KCNH1: variants seen among roughly 807,000 people sequenced by gnomAD.
KCNH1 encodes the protein potassium voltage-gated channel subfamily H member 1.
In KCNH1, 27 loss-of-function variants were observed where a neutral mutation model predicts 69.2. That is an observed-to-expected ratio of 0.39 (90% CI 0.29 to 0.54). KCNH1 has a LOEUF of 0.54. Ranked by LOEUF, KCNH1 falls within the 20% of genes least tolerant of loss-of-function variation. The probability of loss-of-function intolerance (pLI) is 0.68; values close to 1 mark genes in which losing one functional copy is unlikely to be tolerated. For synonymous variants in KCNH1, 456 were observed against 487.7 expected (o/e 0.93, Z 0.86); for missense variants, 798 against 1,261.6 (o/e 0.63, Z 5.57).
intron 8 of KCNH1, among the ~76,000 whole-genome samples, chr1:210,803,384 G>A (rs903821325): frequency 4.6e-5 from 7 of 152,178 alleles, no homozygotes; most frequent in Non-Finnish European, 8.8e-5. Flanking sequence ...TTACAGGCAT[G>A]AGCCGCTGCA....
intron 10 of KCNH1, among the ~76,000 whole-genome samples, chr1:210,739,785 T>C (rs531501940): frequency 5.5e-4 from 84 of 152,334 alleles, no homozygotes; most frequent in Non-Finnish European, 1.1e-3. Flanking sequence ...AGAAGTCACC[T>C]TAACTGCATG....
At chr1:210,922,246 G>T (rs1687474700) in intron 6 of KCNH1, among the ~76,000 whole-genome samples, 1 of 151,922 alleles carries the variant, frequency 6.6e-6, no homozygotes, top group South Asian at 2.1e-4. Context: ...GCCAGGCGTG[G>T]TGGCAGGCGC....
At chr1:210,985,075 A>C (rs1571552171) in intron 6 of KCNH1, among the ~76,000 whole-genome samples, 2 of 151,874 alleles carry the variant, frequency 1.3e-5, no homozygotes, top group African/African-American at 4.8e-5. Flanking sequence ...TTGTGTAGAG[A>C]TGTTTCTAGT....
intron 10 of KCNH1, among the ~76,000 whole-genome samples, chr1:210,708,365 C>T (rs72751439): frequency 2.2e-4 from 34 of 152,122 alleles, no homozygotes; most frequent in Admixed American, 1.0e-3. Flanking sequence ...AGTGTACAAC[C>T]GTTTTCTGAA....
chr1:210,729,203 C>T (rs1682682338), intron 10 of KCNH1, among the ~76,000 whole-genome samples: 1 of 152,178 alleles, frequency 6.6e-6, no homozygotes, highest in Non-Finnish European at 1.5e-5. Context: ...GCACAGGGTA[C>T]ATTTATAAGC....
chr1:210,848,796 A>T (rs1303985498), intron 7 of KCNH1, among the ~76,000 whole-genome samples: 1 of 152,136 alleles, frequency 6.6e-6, no homozygotes, highest in Non-Finnish European at 1.5e-5. Flanking sequence ...CTGGGCCCCC[A>T]TTTCAATTTT....
intron 7 of KCNH1, among the ~76,000 whole-genome samples, chr1:210,832,921 T>TATATAC (rs10693882): frequency 0.032 from 4,642 of 144,274 alleles, 135 homozygotes; most frequent in Middle Eastern, 0.058. Flanking sequence ...TATATATATA[T>TATATAC]ACATATAAAT....
intron 6 of KCNH1, among the ~76,000 whole-genome samples, chr1:210,973,403 A>T (rs1051249507): frequency 6.6e-6 from 1 of 152,140 alleles, no homozygotes; most frequent in Admixed American, 6.6e-5. Context: ...CTTTCTCTCA[A>T]TTCTATACCT....
chr1:210,835,314 A>G (rs1685259014), intron 7 of KCNH1, among the ~76,000 whole-genome samples: 1 of 152,210 alleles, frequency 6.6e-6, no homozygotes, highest in African/African-American at 2.4e-5. Context: ...TTAACACAAA[A>G]AGTATAAAGG....
rs1574301562 is a variant in KCNH1 at position 210,860,382 on chromosome 1, C to T, written c.1463-56216G>A. The stretch of plus-strand genomic sequence containing the variant: ...TACCAATGACCTGTAAGCAGATTCC[C>T]TCAAGCTGTTGGGTTATCTCTTTAT... On this transcript the variant is annotated intron_variant, in intron 7 of 10. Transcript: ENST00000271751. 3 of 1,414,138 alleles carry T rather than the reference C, an allele frequency of 2.1e-6. No individual in the cohort carries two copies. The Admixed American group carries it at 5.0e-5, about 24-fold the overall frequency. 87.6% of individuals were successfully genotyped at this position (1,414,138 alleles called of 1,614,324 possible).
chr1:210,850,389 T>C (rs1685673780), intron 7 of KCNH1, among the ~76,000 whole-genome samples: 1 of 151,988 alleles, frequency 6.6e-6, no homozygotes, highest in Admixed American at 6.6e-5. Flanking sequence ...CGCGCACCTG[T>C]AGCTCCAGCT....
At chr1:211,008,340 T>G (rs1466141457) in intron 6 of KCNH1, among the ~76,000 whole-genome samples, 1 of 152,224 alleles carries the variant, frequency 6.6e-6, no homozygotes, top group East Asian at 1.9e-4. Context: ...TACCTATGTT[T>G]GTCAAAAGAA....
At chr1:210,986,289 G>A (rs1175511995) in intron 6 of KCNH1, among the ~76,000 whole-genome samples, 4 of 152,094 alleles carry the variant, frequency 2.6e-5, no homozygotes, top group African/African-American at 4.8e-5. Context: ...TTACATTTAA[G>A]GTTAATATTG....
At chr1:210,867,747 T>C (rs926940634) in intron 7 of KCNH1, among the ~76,000 whole-genome samples, 5 of 152,070 alleles carry the variant, frequency 3.3e-5, no homozygotes, top group South Asian at 2.1e-4. Context: ...TTTTCTATAA[T>C]TCCAGATAAA....
intron 7 of KCNH1, among the ~76,000 whole-genome samples, chr1:210,917,644 G>A (rs1201517082): frequency 6.6e-6 from 1 of 152,104 alleles, no homozygotes. Flanking sequence ...ATCACTCTTA[G>A]CAAATTTTCT....
At chr1:210,765,499 A>T (rs1358108062) in intron 10 of KCNH1, among the ~76,000 whole-genome samples, 1 of 152,244 alleles carries the variant, frequency 6.6e-6, no homozygotes, top group Non-Finnish European at 1.5e-5. Flanking sequence ...GAAGCAAATT[A>T]TTTAACCTAT....
At chr1:210,982,732 G>T (rs4436444) in intron 6 of KCNH1, among the ~76,000 whole-genome samples, 3,024 of 152,192 alleles carry the variant, frequency 0.02, 79 homozygotes, top group Admixed American at 0.063. Context: ...ATAAACATAC[G>T]TGTGCATGTG....
intron 5 of KCNH1, among the ~76,000 whole-genome samples, chr1:211,057,434 G>A (rs560478927): frequency 2.6e-5 from 4 of 152,110 alleles, no homozygotes; most frequent in South Asian, 4.2e-4. Context: ...CCAGGAGTTC[G>A]AGACCAGCCT....
intron 6 of KCNH1, among the ~76,000 whole-genome samples, chr1:210,955,803 C>T (rs1363297765): frequency 6.6e-6 from 1 of 152,128 alleles, no homozygotes; most frequent in Non-Finnish European, 1.5e-5. Flanking sequence ...AGATTTTGGG[C>T]TGAGATGATG....
Sources: allele counts gnomAD v4.1 joint callset (sites outside exome capture counted in the v4.1 genomes callset), GRCh38; gene constraint gnomAD v4.1.1; transcripts MANE v1.5; gene names NCBI Gene and HGNC (gene_info 2026-07-23, HGNC 2026-07-21).